The following FBXO34 variants were observed in gnomAD, a reference collection of about 807,000 sequenced individuals.
FBXO34 encodes the protein F-box only protein 34.
FBXO34 carries 12 observed loss-of-function variants against 24.5 expected under a neutral mutation model. The ratio of observed to expected loss-of-function variants is 0.49; its 90% CI spans 0.31 to 0.79. The LOEUF (loss-of-function observed/expected upper bound fraction) is 0.79, where lower values mean the gene tolerates loss of function less well. FBXO34 is among the 30% of genes least tolerant of loss of function. FBXO34 has a pLI of 0.04. For synonymous variants in FBXO34, 320 were observed against 311.9 expected (o/e 1.03, Z -0.27); for missense variants, 823 against 857.7 (o/e 0.96, Z 0.51).
the FBXO34 span, chr14:55,428,918 C>T: frequency 7.4e-6 from 12 of 1,614,034 alleles, no homozygotes; most frequent in South Asian, 1.1e-4. Flanking sequence ...GGCAGGGAAC[C>T]CAAGCTTCTG....
the FBXO34 span, among the ~76,000 whole-genome samples, chr14:55,400,086 G>A: frequency 2.0e-5 from 3 of 152,182 alleles, no homozygotes; most frequent in Non-Finnish European, 4.4e-5. Context: ...ATCAAAAATA[G>A]GTGGTGTCAG....
chr14:55,272,128 C>G (rs1881171178), intron 1 of FBXO34: 1 of 152,148 alleles, frequency 6.6e-6, no homozygotes, highest in African/African-American at 2.4e-5. Flanking sequence ...GTCCGTGTGT[C>G]TGTGACGTCA....
At chr14:55,427,713 G>A in the FBXO34 span, among the ~76,000 whole-genome samples, 1 of 152,048 alleles carries the variant, frequency 6.6e-6, no homozygotes, top group African/African-American at 2.4e-5. Context: ...CAAAACGGCT[G>A]GGGGCGGGGG....
chr14:55,322,652 AC>A (rs1883180071), intron 1 of FBXO34, among the ~76,000 whole-genome samples: 1 of 151,998 alleles, frequency 6.6e-6, no homozygotes, highest in African/African-American at 2.4e-5. Context: ...ATGGAAATTA[AC>A]CTTTTGTGCA....
chr14:55,289,343 A>G (rs1881866227), intron 1 of FBXO34, among the ~76,000 whole-genome samples: 1 of 152,214 alleles, frequency 6.6e-6, no homozygotes, highest in Admixed American at 6.5e-5. Context: ...ATATTTTAGT[A>G]GGATGGAAGA....
chr14:55,297,611 A>C (rs1882185094), intron 1 of FBXO34, among the ~76,000 whole-genome samples: 1 of 152,238 alleles, frequency 6.6e-6, no homozygotes, highest in Non-Finnish European at 1.5e-5. Flanking sequence ...AAATTTTGAT[A>C]GGATTAGGTA....
intron 1 of FBXO34, among the ~76,000 whole-genome samples, chr14:55,337,693 G>A (rs1370563795): frequency 6.6e-6 from 1 of 152,228 alleles, no homozygotes; most frequent in Non-Finnish European, 1.5e-5. Context: ...CACAATATCC[G>A]ACACTTAGAG....
the FBXO34 span, among the ~76,000 whole-genome samples, chr14:55,381,774 T>C: frequency 6.6e-6 from 1 of 152,182 alleles, no homozygotes; most frequent in South Asian, 2.1e-4. Context: ...TGTGACACTT[T>C]CATGCCATGG....
chr14:55,331,468 A>G (rs1408200100), intron 1 of FBXO34, among the ~76,000 whole-genome samples: 1 of 151,070 alleles, frequency 6.6e-6, no homozygotes, highest in Non-Finnish European at 1.5e-5. Context: ...ATGCAGCTAT[A>G]AAGAGCAAAT....
At chr14:55,408,817 G>C in the FBXO34 span, among the ~76,000 whole-genome samples, 5 of 152,266 alleles carry the variant, frequency 3.3e-5, no homozygotes, top group African/African-American at 1.2e-4. Flanking sequence ...GTAGAGCTTG[G>C]AATCAATTCA....
intron 1 of FBXO34, among the ~76,000 whole-genome samples, chr14:55,323,851 A>G (rs967353323): frequency 5.3e-5 from 8 of 152,300 alleles, no homozygotes; most frequent in Middle Eastern, 3.4e-3. Flanking sequence ...CTTGATTACT[A>G]TAGCCCATTT....
At chr14:55,414,789 A>C in the FBXO34 span, among the ~76,000 whole-genome samples, 1 of 152,242 alleles carries the variant, frequency 6.6e-6, no homozygotes, top group African/African-American at 2.4e-5. Flanking sequence ...CTTAGCTACC[A>C]GCAAAAGGGA....
the FBXO34 span, among the ~76,000 whole-genome samples, chr14:55,375,977 T>C: frequency 6.6e-6 from 1 of 152,236 alleles, no homozygotes; most frequent in Non-Finnish European, 1.5e-5. Context: ...CCCCTAATTA[T>C]TAATGGGAAC....
chr14:55,331,627 A>G (rs2140047536), intron 1 of FBXO34, among the ~76,000 whole-genome samples: 1 of 135,690 alleles, frequency 7.4e-6, no homozygotes, highest in East Asian at 2.1e-4. Flanking sequence ...ATATAAAAAT[A>G]TATATAAAAT....
At chr14:55,281,397 T>A (rs762951142) in intron 1 of FBXO34, among the ~76,000 whole-genome samples, 15 of 152,188 alleles carry the variant, frequency 9.9e-5, no homozygotes, top group Admixed American at 4.6e-4. Context: ...TTTCTGTAAT[T>A]GTCTCTATGA....
At chr14:55,411,510 GC>G in the FBXO34 span, 2 of 1,256,198 alleles carry the variant, frequency 1.6e-6, no homozygotes, top group African/African-American at 1.5e-5. Context: ...GGTATCTGGT[GC>G]CCGGACGGGG....
At chr14:55,365,264 A>G (rs1010430708), downstream of FBXO34, among the ~76,000 whole-genome samples, 2 of 150,844 alleles carry the variant, frequency 1.3e-5, no homozygotes, top group African/African-American at 4.9e-5. Flanking sequence ...GGGTCTCACT[A>G]TGTTGCGCAA....
At chr14:55,434,805 T>C in the FBXO34 span, among the ~76,000 whole-genome samples, 2 of 152,170 alleles carry the variant, frequency 1.3e-5, no homozygotes, top group African/African-American at 2.4e-5. Context: ...AAACAAATAA[T>C]AGTTGATGCC....
At chr14:55,331,735 A>G (rs1221190153) in intron 1 of FBXO34, among the ~76,000 whole-genome samples, 2 of 46,412 alleles carry the variant, frequency 4.3e-5, no homozygotes, top group African/African-American at 1.9e-4. Flanking sequence ...ATATGTATAT[A>G]TATATGTGTG....
Sources: allele counts gnomAD v4.1 joint callset (sites outside exome capture counted in the v4.1 genomes callset), GRCh38; gene constraint gnomAD v4.1.1; transcripts MANE v1.5; gene names NCBI Gene and HGNC (gene_info 2026-07-23, HGNC 2026-07-21).